The following ADGRF5 variants were observed in gnomAD, a reference collection of about 807,000 sequenced individuals.
ADGRF5 encodes adhesion G protein-coupled receptor F5.
ADGRF5 carries 75 observed loss-of-function variants against 132.3 expected under a neutral mutation model. The observed-to-expected ratio is 0.57, with a 90% CI of 0.47 to 0.69. ADGRF5 has a LOEUF of 0.69. Ranked by LOEUF, ADGRF5 falls within the 30% of genes least tolerant of loss-of-function variation. The pLI is 0.00. For synonymous variants in ADGRF5, 629 were observed against 597.6 expected, an observed-to-expected ratio of 1.05 and a Z score of -0.77; for missense variants, 1,516 against 1,630.6, an observed-to-expected ratio of 0.93 and a Z score of 1.21.
At chr6:46,935,189 G>A (rs1299259562) in intron 1 of ADGRF5, among the ~76,000 whole-genome samples, 1 of 151,824 alleles carries the variant, frequency 6.6e-6, no homozygotes, top group African/African-American at 2.4e-5. Flanking sequence ...ATCTTTAGTA[G>A]AGACAGGGTT....
chr6:46,870,428 G>A (rs545589897), intron 11 of ADGRF5, among the ~76,000 whole-genome samples: 1 of 152,040 alleles, frequency 6.6e-6, no homozygotes, highest in Admixed American at 6.6e-5. Context: ...CCAAAGTGCT[G>A]GGATTACAGG....
At position 46,898,422 on chromosome 6, in the gene ADGRF5, G is replaced by A. The variant is rs547367694; in HGVS notation, c.157+1607C>T. Among the ~76,000 whole-genome samples the A allele has an allele frequency of 1.2e-4, 19 of 152,310 alleles. No homozygotes were observed. The South Asian group carries it at 2.3e-3, about 18-fold the overall frequency. On this transcript the variant is annotated intron_variant, in intron 3 of 20. Coordinates refer to ENST00000283296, the MANE Select transcript of ADGRF5 (RefSeq NM_001098518.2). Reference sequence around the variant, plus strand: ...AAGTTTAAAGGGTTGTCGGGATGGGGTAGAGGTAATGATACCTGTTTTAGA... The same window carrying A: ...AAGTTTAAAGGGTTGTCGGGATGGGATAGAGGTAATGATACCTGTTTTAGA...
chr6:46,930,568 G>C (rs950755098), intron 1 of ADGRF5, among the ~76,000 whole-genome samples: 1 of 152,142 alleles, frequency 6.6e-6, no homozygotes, highest in Admixed American at 6.5e-5. Context: ...GTTATTTATG[G>C]GCTGGCATGC....
At chr6:46,881,695 G>T in intron 7 of ADGRF5, 98 bp from the exon 8 acceptor site, 2 of 971,678 alleles carry the variant, frequency 2.1e-6, no homozygotes, top group Non-Finnish European at 3.1e-6. Context: ...AGCACAAACT[G>T]CCTGATGCAG....
intron 4 of ADGRF5, among the ~76,000 whole-genome samples, chr6:46,886,379 A>G (rs757155085): frequency 3.3e-5 from 5 of 152,208 alleles, no homozygotes; most frequent in Admixed American, 1.3e-4. Flanking sequence ...AGGATAGCCA[A>G]CAGGATCCCA....
chr6:46,935,196 G>A (rs1348405247), intron 1 of ADGRF5, among the ~76,000 whole-genome samples: 1 of 151,772 alleles, frequency 6.6e-6, no homozygotes, highest in East Asian at 1.9e-4. Flanking sequence ...GTAGAGACAG[G>A]GTTTCACTGT....
At chr6:46,933,376 A>G (rs547709995) in intron 1 of ADGRF5, among the ~76,000 whole-genome samples, 1 of 152,340 alleles carries the variant, frequency 6.6e-6, no homozygotes, top group East Asian at 1.9e-4. Context: ...GAAAAGCACT[A>G]GCTGTTCACT....
intron 1 of ADGRF5, among the ~76,000 whole-genome samples, chr6:46,952,285 C>G (rs1303533416): frequency 1.3e-5 from 2 of 152,172 alleles, no homozygotes; most frequent in Non-Finnish European, 2.9e-5. Context: ...CTTAATACTT[C>G]CATGAAAGAG....
intron 12 of ADGRF5, among the ~76,000 whole-genome samples, chr6:46,867,701 T>C (rs1049672454): frequency 3.3e-5 from 5 of 152,134 alleles, no homozygotes; most frequent in Non-Finnish European, 2.9e-5. Context: ...TTTCTTTACA[T>C]TGCTTCCCTT....
At position 46,888,406 on chromosome 6, in the gene ADGRF5, C is replaced by G; in HGVS notation, c.257G>C (p.Ser86Thr). The G allele has an allele frequency of 2.5e-6, 4 of 1,610,810 alleles. No individual in the cohort carries two copies. Among genetic ancestry groups the G allele is most frequent in the Non-Finnish European group, 3.4e-6 (4 of 1,177,070 alleles). The change falls in exon 4 of 21, where the codon AGC becomes ACC. Residue 86 changes from serine (S) to threonine (T), a missense_variant. Ser to Thr is a moderately conservative substitution (Grantham distance 58). Coordinates refer to ENST00000283296, the MANE Select transcript of ADGRF5 (RefSeq NM_001098518.2). Reference sequence around the variant, plus strand: ...ATTCCCATGAATTGGAAAACTGAGGCTGTTCAAGTAGGCTTTGATAGGATC... The same window carrying G: ...ATTCCCATGAATTGGAAAACTGAGGGTGTTCAAGTAGGCTTTGATAGGATC... ...FLDPIKAYLN[S>T]LSFPIHGNNT... is the part of the protein sequence containing the mutation.
At chr6:46,932,501 G>A in intron 1 of ADGRF5, among the ~76,000 whole-genome samples, 1 of 152,086 alleles carries the variant, frequency 6.6e-6, no homozygotes. Context: ...CCACACAAGG[G>A]TTTTCTGTGC....
chr6:46,868,902 G>A lies in ADGRF5; in HGVS notation c.1602C>T (p.Thr534=), dbSNP rs1167576653. 3 of 1,610,518 alleles carry A rather than the reference G, an allele frequency of 1.9e-6. No individual in the cohort carries two copies. The highest frequency in any genetic ancestry group is 1.3e-5 in the African/African-American group (1 of 74,794). Residue 534 remains threonine, a synonymous_variant, in exon 12 of 21, where the codon ACC becomes ACT. Coordinates refer to ENST00000283296, the MANE Select transcript of ADGRF5 (RefSeq NM_001098518.2). ...ACTCACCATTCCACTCCCTGGTCGA[G>A]GTCTTGACTGTCAGTACTGATTCTG... ...DGAESVLTVK[T]STREWNGTYH...
At chr6:46,953,643 ATATATGTG>A (rs1186580408) in intron 1 of ADGRF5, among the ~76,000 whole-genome samples, 3 of 20,704 alleles carry the variant, frequency 1.4e-4, no homozygotes, top group East Asian at 2.9e-3. Context: ...ATATATATAG[ATATATGTG>A]TATATATATA....
rs548128349 is a variant in ADGRF5, at chr6:46,946,399, G to A, written c.-25+8335C>T. On this transcript the variant is annotated intron_variant, in intron 1 of 20. Transcript: ENST00000265417. ...ATTTGCTGAGGTACACTGGGGTAGC[G>A]TAGACAGAACACAATGTGAATGGTT... is the stretch of plus-strand genomic sequence containing the variant. 1.1e-4 allele frequency among the ~76,000 whole-genome samples: 16 copies of A among 152,298 alleles called. No homozygotes were observed. The South Asian group carries it at 1.2e-3, about 12-fold the overall frequency.
chr6:46,913,360 A>G (rs1037459275), intron 1 of ADGRF5, among the ~76,000 whole-genome samples: 2 of 152,260 alleles, frequency 1.3e-5, no homozygotes, highest in South Asian at 2.1e-4. Flanking sequence ...TCAGCCAGGC[A>G]TTGTGGTGGA....
At chr6:46,951,708 G>T (rs557507972) in intron 1 of ADGRF5, among the ~76,000 whole-genome samples, 1 of 152,170 alleles carries the variant, frequency 6.6e-6, no homozygotes, top group South Asian at 2.1e-4. Context: ...CTTAATGGAG[G>T]CCTTTCCTCC....
intron 10 of ADGRF5, among the ~76,000 whole-genome samples, chr6:46,877,161 GT>G (rs1254852178): frequency 8.5e-5 from 13 of 152,298 alleles, no homozygotes; most frequent in African/African-American, 3.1e-4. Context: ...GCATAATATA[GT>G]TTGGCCAAGA....
chr6:46,899,060 A>C (rs1034300564), intron 3 of ADGRF5, among the ~76,000 whole-genome samples: 3 of 152,120 alleles, frequency 2.0e-5, no homozygotes, highest in Non-Finnish European at 2.9e-5. Flanking sequence ...TTTGGGACAA[A>C]TGTTGTGAAT....
At chr6:46,910,811 G>A (rs1173392548) in intron 1 of ADGRF5, among the ~76,000 whole-genome samples, 1 of 152,172 alleles carries the variant, frequency 6.6e-6, no homozygotes, top group East Asian at 1.9e-4. Context: ...GCTGTGTGAT[G>A]TGGGGCAAGT....
Sources: gnomAD v4.1 joint callset for allele counts (sites outside exome capture counted in the v4.1 genomes callset) on GRCh38, gnomAD v4.1.1 for gene constraint, MANE v1.5 for transcripts, NCBI Gene and HGNC (gene_info 2026-07-23, HGNC 2026-07-21) for gene names.